Variants in CDH4 observed in about 807,000 individuals in gnomAD.
CDH4 encodes the protein cadherin-4.
Under a neutral mutation model 86.0 loss-of-function variants are expected in CDH4, and 33 were observed. The ratio of observed to expected loss-of-function variants is 0.38; its 90% CI spans 0.29 to 0.51. The LOEUF (loss-of-function observed/expected upper bound fraction) is 0.51. Ranked by LOEUF, CDH4 falls within the 20% of genes least tolerant of loss-of-function variation. CDH4 has a pLI of 0.86. For synonymous variants in CDH4, 555 were observed against 549.4 expected (o/e 1.01, Z -0.14); for missense variants, 1,114 against 1,307.4 (o/e 0.85, Z 2.28).
intron 2 of CDH4, among the ~76,000 whole-genome samples, chr20:61,433,249 A>C (rs1456003343): frequency 5.3e-5 from 8 of 152,106 alleles, no homozygotes; most frequent in Admixed American, 5.2e-4. Context: ...CCATTTGTTC[A>C]AAAGAGTTCC....
At chr20:61,607,548 G>A (rs967847684) in intron 2 of CDH4, among the ~76,000 whole-genome samples, 1 of 152,180 alleles carries the variant, frequency 6.6e-6, no homozygotes, top group Non-Finnish European at 1.5e-5. Flanking sequence ...AACAGGCAAC[G>A]ATGTAATAAG....
intron 2 of CDH4, among the ~76,000 whole-genome samples, chr20:61,580,922 C>A (rs1006836866): frequency 9.8e-5 from 15 of 152,296 alleles, no homozygotes; most frequent in African/African-American, 3.6e-4. Flanking sequence ...AACAGCAGGA[C>A]CCGAGGACCT....
intron 4 of CDH4, among the ~76,000 whole-genome samples, chr20:61,814,790 C>T (rs2153934): frequency 3.3e-5 from 5 of 152,032 alleles, no homozygotes; most frequent in African/African-American, 7.2e-5. Context: ...GCAGTGCTCA[C>T]GGTATTCGTG....
chr20:61,539,400 G>A (rs1197391106), intron 2 of CDH4, among the ~76,000 whole-genome samples: 1 of 152,180 alleles, frequency 6.6e-6, no homozygotes, highest in Admixed American at 6.5e-5. Context: ...TGTGGGAAGA[G>A]CTGGCTTCTT....
At chr20:61,504,025 A>G (rs1349913701) in intron 2 of CDH4, among the ~76,000 whole-genome samples, 1 of 152,214 alleles carries the variant, frequency 6.6e-6, no homozygotes, top group Non-Finnish European at 1.5e-5. Flanking sequence ...CCCACTCGCC[A>G]TCCCTAGACC....
intron 2 of CDH4, among the ~76,000 whole-genome samples, chr20:61,499,665 G>A (rs1600714162): frequency 1.3e-5 from 2 of 152,144 alleles, no homozygotes; most frequent in African/African-American, 4.8e-5. Context: ...ACAAACGCAG[G>A]CCAGTGCCAC....
chr20:61,402,236 G>C lies in CDH4; in HGVS notation c.169+147299G>C, dbSNP rs566702368. ...CTTGATGTAAAATGATGCAGTATTT[G>C]TGTGTTACCTATGCACATCCTCCCA... On this transcript the variant is annotated intron_variant, in intron 2 of 15. Transcript: ENST00000614565. 1.1e-4 allele frequency among the ~76,000 whole-genome samples: 17 copies of C among 152,286 alleles called. No individual in the cohort carries two copies. In the South Asian group the frequency reaches 3.5e-3, roughly 32 times the overall value.
intron 6 of CDH4, among the ~76,000 whole-genome samples, chr20:61,857,118 C>G (rs1337185542): frequency 1.3e-5 from 2 of 152,218 alleles, no homozygotes; most frequent in Non-Finnish European, 2.9e-5. Flanking sequence ...GTCTCACTGC[C>G]CTGCCCCTGC....
chr20:61,430,867 CAG>C (rs1257324248), intron 2 of CDH4, among the ~76,000 whole-genome samples: 1 of 152,232 alleles, frequency 6.6e-6, no homozygotes, highest in Non-Finnish European at 1.5e-5. Flanking sequence ...GGCCAAGAAA[CAG>C]AGAAAGGAGC....
intron 2 of CDH4, among the ~76,000 whole-genome samples, chr20:61,641,467 A>G (rs1044734619): frequency 6.6e-6 from 1 of 152,178 alleles, no homozygotes; most frequent in African/African-American, 2.4e-5. Context: ...AGAGCCCTCA[A>G]GGAATCATCA....
rs375789487 is a variant in CDH4, at chr20:61,743,699, G to A, written c.306G>A (p.Val102=). The stretch of plus-strand genomic sequence containing the variant: ...CCTCCGAGCAGGTGGCGTTCACGGT[G>A]ACTGCATGGGACAGCCAGACAGCAG... ...QVPSEQVAFT[V]TAWDSQTAEK... is the part of the protein sequence containing the mutation. Residue 102 remains valine, a synonymous_variant, in exon 3 of 16, where the codon GTG becomes GTA. Transcript: ENST00000614565. The A allele has an allele frequency of 6.2e-7, 1 of 1,610,266 alleles. No individual in the cohort carries two copies.
At chr20:61,647,104 C>T (rs923750076) in intron 2 of CDH4, among the ~76,000 whole-genome samples, 2 of 152,184 alleles carry the variant, frequency 1.3e-5, no homozygotes, top group Non-Finnish European at 2.9e-5. Flanking sequence ...CCAGCCTGTC[C>T]TCTCCATCCA....
intron 2 of CDH4, among the ~76,000 whole-genome samples, chr20:61,487,419 A>G (rs1169287405): frequency 6.6e-6 from 1 of 152,184 alleles, no homozygotes; most frequent in Non-Finnish European, 1.5e-5. Flanking sequence ...TCTCAGCACA[A>G]CTTTTAATTT....
chr20:61,837,179 C>A (rs1401656609), intron 4 of CDH4, among the ~76,000 whole-genome samples: 1 of 152,168 alleles, frequency 6.6e-6, no homozygotes, highest in Admixed American at 6.5e-5. Context: ...GGCGACAGAG[C>A]AAGACCCTGT....
intron 2 of CDH4, among the ~76,000 whole-genome samples, chr20:61,531,328 C>T (rs202142236): frequency 4.6e-5 from 7 of 151,950 alleles, no homozygotes; most frequent in East Asian, 1.9e-4. Context: ...AAAAATTAGC[C>T]GGGCATGGTG....
chr20:61,469,159 A>G (rs1369825782), intron 2 of CDH4, among the ~76,000 whole-genome samples: 2 of 152,168 alleles, frequency 1.3e-5, no homozygotes, highest in African/African-American at 4.8e-5. Context: ...ACTAATTTAC[A>G]TTCCCACCCA....
chr20:61,686,031 G>T, intron 2 of CDH4, among the ~76,000 whole-genome samples: 1 of 152,198 alleles, frequency 6.6e-6, no homozygotes, highest in Non-Finnish European at 1.5e-5. Context: ...CAAAAATAAT[G>T]TCAATGTTAG....
intron 2 of CDH4, among the ~76,000 whole-genome samples, chr20:61,497,787 G>A (rs972690735): frequency 3.3e-5 from 5 of 152,098 alleles, no homozygotes; most frequent in African/African-American, 1.2e-4. Context: ...ATTCACAATA[G>A]CAAGGACTTG....
At chr20:61,731,680 A>C (rs532265461) in intron 2 of CDH4, among the ~76,000 whole-genome samples, 1 of 152,238 alleles carries the variant, frequency 6.6e-6, no homozygotes, top group African/African-American at 2.4e-5. Flanking sequence ...TGGGATGGGC[A>C]GGCCCCGTGC....
Sources: allele counts gnomAD v4.1 joint callset (sites outside exome capture counted in the v4.1 genomes callset), GRCh38; gene constraint gnomAD v4.1.1; transcripts MANE v1.5; gene names NCBI Gene and HGNC (gene_info 2026-07-23, HGNC 2026-07-21).